The following CAMK2N2 variants were observed in gnomAD, a reference collection of about 807,000 sequenced individuals.
The protein encoded by CAMK2N2 is calcium/calmodulin dependent protein kinase II inhibitor 2.
A neutral mutation model predicts 7.8 loss-of-function variants in CAMK2N2; 3 were observed. The observed-to-expected ratio is 0.38, with a 90% CI of 0.18 to 0.99. The LOEUF is 0.99. Ranked by LOEUF, CAMK2N2 falls within the 50% of genes least tolerant of loss-of-function variation. The pLI, the probability that CAMK2N2 is intolerant of heterozygous loss-of-function variation, is 0.37. For missense variants in CAMK2N2, 85 were observed against 108.4 expected, an observed-to-expected ratio of 0.78 and a Z score of 0.96; for synonymous variants, 45 against 46.6, an observed-to-expected ratio of 0.97 and a Z score of 0.14.
chr3:184,261,391 A>C lies in CAMK2N2; in HGVS notation c.-106T>G. ...CCTCAGCAGGGGAGCCGGCGGAAGGATGAAGTCATGCAGCATCCGGGGCTG... is the reference window on the plus strand; with the variant it reads ...CCTCAGCAGGGGAGCCGGCGGAAGGCTGAAGTCATGCAGCATCCGGGGCTG... On this transcript the variant is annotated 5_prime_UTR_variant, in exon 1 of 2. Transcript: ENST00000296238. The surrounding 1 kb of genome is among the most constrained non-coding windows in gnomAD (Gnocchi z 5.1). 1.0e-6 allele frequency: 1 copy of C among 993,738 alleles called. No homozygotes were observed. 61.6% of individuals were successfully genotyped at this position (993,738 alleles called of 1,614,324 possible).
rs1685782892 is a variant in CAMK2N2, at chr3:184,259,916, G to C, written c.*241C>G. ...TGTGCGGGGTGGGGCTGCGGCCCGA[G>C]GTTTTAAAGTGCATGAGCGCGGCGG... On this transcript the variant is annotated 3_prime_UTR_variant, in exon 2 of 2. Transcript: ENST00000296238. 6.6e-6 allele frequency: 1 copy of C among 151,952 alleles called. No individual in the cohort carries two copies. Among genetic ancestry groups the C allele is most frequent in the Admixed American group, 6.6e-5 (1 of 15,254 alleles). The allele number at this position is 151,952 out of a possible 1,614,324, so 9.4% of individuals were successfully genotyped here.
rs1186048460 is a variant in CAMK2N2 at position 184,261,476 on chromosome 3, C to A, written c.-191G>T. The A allele has an allele frequency of 6.5e-6, 1 of 153,584 alleles. No individual in the cohort carries two copies. Among genetic ancestry groups the A allele is most frequent in the South Asian group, 2.3e-4 (1 of 4,288 alleles). 9.5% of individuals were successfully genotyped at this position (153,584 alleles called of 1,614,324 possible). A position where few individuals can be genotyped will look rare whatever the true frequency, so the allele number is the denominator to read the frequency against. On this transcript the variant is annotated 5_prime_UTR_variant, in exon 1 of 2. Transcript: ENST00000296238. The surrounding 1 kb of genome is among the most constrained non-coding windows in gnomAD (Gnocchi z 5.1). Reference sequence around the variant, plus strand: ...GCCTCCCGGGCCGCTGGGCAGGCGGCGGCGGCGGCGGTGGCGGGGACCGGG... The same window carrying A: ...GCCTCCCGGGCCGCTGGGCAGGCGGAGGCGGCGGCGGTGGCGGGGACCGGG...
Position 184,261,385 on chromosome 3 carries a change from G to T in CAMK2N2, c.-100C>A. The stretch of plus-strand genomic sequence containing the variant: ...GCCCTACCTCAGCAGGGGAGCCGGC[G>T]GAAGGATGAAGTCATGCAGCATCCG... On this transcript the variant is annotated 5_prime_UTR_variant, in exon 1 of 2. Coordinates refer to ENST00000296238, the MANE Select transcript of CAMK2N2 (RefSeq NM_033259.3). This position sits in a 1 kb window ranked among gnomAD's most constrained non-coding sequence, Gnocchi z 5.1. 1 of 1,061,392 alleles carries T rather than the reference G, an allele frequency of 9.4e-7. No homozygotes were observed. Among genetic ancestry groups the T allele is most frequent in the Non-Finnish European group, 1.2e-6 (1 of 809,924 alleles). The allele number at this position is 1,061,392 out of a possible 1,614,324, so 65.7% of individuals were successfully genotyped here.
At position 184,260,545 on chromosome 3, in the gene CAMK2N2, C is replaced by T. The variant is rs1720007278; in HGVS notation, c.170-318G>A. On this transcript the variant is annotated intron_variant, in intron 1 of 1. Coordinates refer to ENST00000296238, the MANE Select transcript of CAMK2N2 (RefSeq NM_033259.3). The surrounding 1 kb of genome is among the most constrained non-coding windows in gnomAD (Gnocchi z 6.6). ...AGAAACCTCTTGCTCACGGAATCCC[C>T]CTCTTCAACCCGCACTTCAACAGAT... Among the ~76,000 whole-genome samples the T allele has an allele frequency of 6.6e-6, 1 of 152,224 alleles. No individual in the cohort carries two copies. The highest frequency in any genetic ancestry group is 2.1e-4 in the South Asian group (1 of 4,834).
In CAMK2N2 at chr3:184,259,583, T is replaced by C. The variant is rs935066565; in HGVS notation, c.*574A>G. On this transcript the variant is annotated 3_prime_UTR_variant, in exon 2 of 2. Transcript: ENST00000296238. Reference sequence around the variant, plus strand: ...GAGACTGAGGGGAGGGCAGGAACCATGAGCAGAGCCAGTAAACAAAGAGTC... The same window carrying C: ...GAGACTGAGGGGAGGGCAGGAACCACGAGCAGAGCCAGTAAACAAAGAGTC... 1 of 152,622 alleles carries C rather than the reference T, an allele frequency of 6.6e-6. No homozygotes were observed. Among genetic ancestry groups the C allele is most frequent in the Non-Finnish European group, 1.5e-5 (1 of 68,146 alleles). The allele number at this position is 152,622 out of a possible 1,614,324, so 9.5% of individuals were successfully genotyped here.
Position 184,261,319 on chromosome 3 carries a change from G to T in CAMK2N2, c.-34C>A. On this transcript the variant is annotated 5_prime_UTR_variant, in exon 1 of 2. Coordinates refer to ENST00000296238, the MANE Select transcript of CAMK2N2 (RefSeq NM_033259.3). The surrounding 1 kb of genome is among the most constrained non-coding windows in gnomAD (Gnocchi z 5.1). ...CGGGGTGGGCGCGGGGCGGGAGCGGGACTGCGGCGGGGCGCGGGCGGCGGG... is the reference window on the plus strand; with the variant it reads ...CGGGGTGGGCGCGGGGCGGGAGCGGTACTGCGGCGGGGCGCGGGCGGCGGG... The T allele has an allele frequency of 7.1e-7, 1 of 1,399,404 alleles. No homozygotes were observed. Among genetic ancestry groups the T allele is most frequent in the Non-Finnish European group, 9.2e-7 (1 of 1,085,128 alleles). 86.7% of individuals were successfully genotyped at this position (1,399,404 alleles called of 1,614,324 possible). A position where few individuals can be genotyped will look rare whatever the true frequency, so the allele number is the denominator to read the frequency against.
chr3:184,261,280 G>C lies in CAMK2N2; in HGVS notation c.6C>G (p.Ser2=), dbSNP rs1720037725. Residue 2 remains serine, a synonymous_variant, in exon 1 of 2, where the codon TCC becomes TCG. Coordinates refer to ENST00000296238, the MANE Select transcript of CAMK2N2 (RefSeq NM_033259.3). The surrounding 1 kb of genome is among the most constrained non-coding windows in gnomAD (Gnocchi z 5.1). The part of the protein sequence containing the change: M[S]EILPYSEDKM... ...TGTCTTCGCTGTAGGGCAGGATCTC[G>C]GACATGGCGGGCGCGGGGTGGGCGC... 1.3e-6 allele frequency: 2 copies of C among 1,549,082 alleles called. No individual in the cohort carries two copies. Among genetic ancestry groups the C allele is most frequent in the Non-Finnish European group, 8.7e-7 (1 of 1,154,224 alleles).
chr3:184,261,165 G>T lies in CAMK2N2; in HGVS notation c.121C>A (p.Gln41Lys), dbSNP rs1364461977. 1.2e-6 allele frequency: 2 copies of T among 1,607,332 alleles called. No homozygotes were observed. The highest frequency in any genetic ancestry group is 2.7e-5 in the African/African-American group (2 of 73,818). ...QDTNSFFAGN[Q>K]AKRPPKLGQI... ...CCCAGCTTGGGGGGTCGCTTGGCCTGGTTGCCCGCGAAGAAGGAGTTGGTG... is the reference window on the plus strand; with the variant it reads ...CCCAGCTTGGGGGGTCGCTTGGCCTTGTTGCCCGCGAAGAAGGAGTTGGTG... The change falls in exon 1 of 2, where the codon CAG becomes AAG. Residue 41 changes from glutamine (Q) to lysine (K), a missense_variant. By Grantham distance (53) the Gln-to-Lys change is moderately conservative. Transcript: ENST00000296238. This position sits in a 1 kb window ranked among gnomAD's most constrained non-coding sequence, Gnocchi z 5.1.
Position 184,261,014 on chromosome 3 carries a change from G to T in CAMK2N2, c.169+103C>A, listed in dbSNP as rs1417188486. On this transcript the variant is annotated intron_variant, in intron 1 of 1. Transcript: ENST00000296238. The surrounding 1 kb of genome is among the most constrained non-coding windows in gnomAD (Gnocchi z 5.1). Reference sequence around the variant, plus strand: ...GGGCTGGAGAGCGGCTGGTGCGCTGGTCTGCGGCAAGAGCTGCGGGCACTC... The same window carrying T: ...GGGCTGGAGAGCGGCTGGTGCGCTGTTCTGCGGCAAGAGCTGCGGGCACTC... 11 of 1,284,350 alleles carry T rather than the reference G, an allele frequency of 8.6e-6. No individual in the cohort carries two copies. The highest frequency in any genetic ancestry group is 1.1e-5 in the Non-Finnish European group (11 of 968,946). The allele number at this position is 1,284,350 out of a possible 1,614,324, so 79.6% of individuals were successfully genotyped here.
chr3:184,260,270 C>T lies in CAMK2N2; in HGVS notation c.170-43G>A. The T allele has an allele frequency of 1.3e-6, 2 of 1,581,472 alleles. No homozygotes were observed. The highest frequency in any genetic ancestry group is 1.3e-5 in the African/African-American group (1 of 74,242). ...GCGTCAGCCGCGCGGCCTCGGGGGG[C>T]GGCGGCGATGAGAATGAGCCCCGCG... On this transcript the variant is annotated intron_variant, in intron 1 of 1. Coordinates refer to ENST00000296238, the MANE Select transcript of CAMK2N2 (RefSeq NM_033259.3). The surrounding 1 kb of genome is among the most constrained non-coding windows in gnomAD (Gnocchi z 6.6).
chr3:184,261,371 G>T lies in CAMK2N2; in HGVS notation c.-86C>A. ...TTGCTGCCGGACCGGCCCTACCTCAGCAGGGGAGCCGGCGGAAGGATGAAG... is the reference window on the plus strand; with the variant it reads ...TTGCTGCCGGACCGGCCCTACCTCATCAGGGGAGCCGGCGGAAGGATGAAG... On this transcript the variant is annotated 5_prime_UTR_variant, in exon 1 of 2. The change creates a new upstream start codon in the 5' untranslated region. Coordinates refer to ENST00000296238, the MANE Select transcript of CAMK2N2 (RefSeq NM_033259.3). The surrounding 1 kb of genome is among the most constrained non-coding windows in gnomAD (Gnocchi z 5.1). The T allele has an allele frequency of 2.6e-6, 3 of 1,158,912 alleles. No individual in the cohort carries two copies. Among genetic ancestry groups the T allele is most frequent in the African/African-American group, 1.6e-5 (1 of 61,108 alleles). 71.8% of individuals were successfully genotyped at this position (1,158,912 alleles called of 1,614,324 possible).
At position 184,261,032 on chromosome 3, in the gene CAMK2N2, G is replaced by A. The variant is rs1720027138; in HGVS notation, c.169+85C>T. ...TGCGCTGGTCTGCGGCAAGAGCTGC[G>A]GGCACTCGGCGGGGAACGGCAGCCG... On this transcript the variant is annotated intron_variant, in intron 1 of 1. Transcript: ENST00000296238. The surrounding 1 kb of genome is among the most constrained non-coding windows in gnomAD (Gnocchi z 5.1). The A allele has an allele frequency of 7.2e-7, 1 of 1,398,024 alleles. No individual in the cohort carries two copies. The highest frequency in any genetic ancestry group is 9.4e-7 in the Non-Finnish European group (1 of 1,062,556). The allele number at this position is 1,398,024 out of a possible 1,614,324, so 86.6% of individuals were successfully genotyped here.
chr3:184,261,317 G>T lies in CAMK2N2; in HGVS notation c.-32C>A. On this transcript the variant is annotated 5_prime_UTR_variant, in exon 1 of 2. Coordinates refer to ENST00000296238, the MANE Select transcript of CAMK2N2 (RefSeq NM_033259.3). This position sits in a 1 kb window ranked among gnomAD's most constrained non-coding sequence, Gnocchi z 5.1. ...CGCGGGGTGGGCGCGGGGCGGGAGC[G>T]GGACTGCGGCGGGGCGCGGGCGGCG... is the stretch of plus-strand genomic sequence containing the variant. The T allele has an allele frequency of 7.1e-7, 1 of 1,405,594 alleles. No homozygotes were observed. The highest frequency in any genetic ancestry group is 9.2e-7 in the Non-Finnish European group (1 of 1,088,178). The allele number at this position is 1,405,594 out of a possible 1,614,324, so 87.1% of individuals were successfully genotyped here.
rs971738238 is a variant in CAMK2N2, at chr3:184,260,824, C to T, written c.169+293G>A. On this transcript the variant is annotated intron_variant, in intron 1 of 1. Transcript: ENST00000296238. The surrounding 1 kb of genome is among the most constrained non-coding windows in gnomAD (Gnocchi z 6.6). ...CAAAGAATCAGCCCGTTACCCCGTG[C>T]TCCCACTTCCGTGCAGCCCCAAATG... Among the ~76,000 whole-genome samples, 1 of 152,232 alleles carries T rather than the reference C, an allele frequency of 6.6e-6. No homozygotes were observed.
chr3:184,260,998 A>T lies in CAMK2N2; in HGVS notation c.169+119T>A. 6 of 879,938 alleles carry T rather than the reference A, an allele frequency of 6.8e-6. No homozygotes were observed. The highest frequency in any genetic ancestry group is 4.3e-5 in the East Asian group (1 of 23,364). The allele number at this position is 879,938 out of a possible 1,614,324, so 54.5% of individuals were successfully genotyped here. On this transcript the variant is annotated intron_variant, in intron 1 of 1. Coordinates refer to ENST00000296238, the MANE Select transcript of CAMK2N2 (RefSeq NM_033259.3). The surrounding 1 kb of genome is among the most constrained non-coding windows in gnomAD (Gnocchi z 6.6). ...CCCCCCCCTCCAGCCCGGGCTGGAGAGCGGCTGGTGCGCTGGTCTGCGGCA... is the reference window on the plus strand; with the variant it reads ...CCCCCCCCTCCAGCCCGGGCTGGAGTGCGGCTGGTGCGCTGGTCTGCGGCA...
chr3:184,261,094 G>C lies in CAMK2N2; in HGVS notation c.169+23C>G. On this transcript the variant is annotated intron_variant, in intron 1 of 1. Transcript: ENST00000296238. The surrounding 1 kb of genome is among the most constrained non-coding windows in gnomAD (Gnocchi z 5.1). ...GCGGAGGGTTTCTGGGTCAGGCGGC[G>C]ACTCCGGGCCCGGGCCGCGTACCTC... 6.3e-7 allele frequency: 1 copy of C among 1,584,316 alleles called. No homozygotes were observed. The highest frequency in any genetic ancestry group is 8.6e-7 in the Non-Finnish European group (1 of 1,169,334).
Position 184,260,983 on chromosome 3 carries a change from CAG to C in CAMK2N2, c.169+132_169+133del. On this transcript the variant is annotated intron_variant, in intron 1 of 1. Coordinates refer to ENST00000296238, the MANE Select transcript of CAMK2N2 (RefSeq NM_033259.3). This position sits in a 1 kb window ranked among gnomAD's most constrained non-coding sequence, Gnocchi z 6.6. Reference sequence around the variant, plus strand: ...ACACTGCAGCGGGGACCCCCCCCTCCAGCCCGGGCTGGAGAGCGGCTGGTGCG... The same window carrying C: ...ACACTGCAGCGGGGACCCCCCCCTCCCCCGGGCTGGAGAGCGGCTGGTGCG... The C allele has an allele frequency of 1.1e-6, 1 of 945,392 alleles. No homozygotes were observed. Among genetic ancestry groups the C allele is most frequent in the Non-Finnish European group, 1.5e-6 (1 of 679,062 alleles). 58.6% of individuals were successfully genotyped at this position (945,392 alleles called of 1,614,324 possible).
chr3:184,261,313 G>C lies in CAMK2N2; in HGVS notation c.-28C>G. ...CGGGCGCGGGGTGGGCGCGGGGCGG[G>C]AGCGGGACTGCGGCGGGGCGCGGGC... On this transcript the variant is annotated 5_prime_UTR_variant, in exon 1 of 2. Transcript: ENST00000296238. The surrounding 1 kb of genome is among the most constrained non-coding windows in gnomAD (Gnocchi z 5.1). 6.9e-7 allele frequency: 1 copy of C among 1,442,902 alleles called. No individual in the cohort carries two copies. The highest frequency in any genetic ancestry group is 9.1e-7 in the Non-Finnish European group (1 of 1,103,080). 89.4% of individuals were successfully genotyped at this position (1,442,902 alleles called of 1,614,324 possible).
In CAMK2N2 at chr3:184,260,274, G is replaced by T; in HGVS notation, c.170-47C>A. 1 of 1,575,418 alleles carries T rather than the reference G, an allele frequency of 6.3e-7. No individual in the cohort carries two copies. The highest frequency in any genetic ancestry group is 8.7e-7 in the Non-Finnish European group (1 of 1,151,226). On this transcript the variant is annotated intron_variant, in intron 1 of 1. Transcript: ENST00000296238. The surrounding 1 kb of genome is among the most constrained non-coding windows in gnomAD (Gnocchi z 6.6). ...CAGCCGCGCGGCCTCGGGGGGCGGC[G>T]GCGATGAGAATGAGCCCCGCGTCCT...
Sources: allele counts gnomAD v4.1 joint callset (sites outside exome capture counted in the v4.1 genomes callset), GRCh38; gene constraint gnomAD v4.1.1; non-coding constraint Gnocchi (gnomAD v3.1); transcripts MANE v1.5; gene names NCBI Gene and HGNC (gene_info 2026-07-23, HGNC 2026-07-21).